Variants in EXOC4 observed in about 807,000 individuals in gnomAD.
EXOC4 encodes SEC8-like 1.
EXOC4 carries 71 observed loss-of-function variants against 107.2 expected under a neutral mutation model. That is an observed-to-expected ratio of 0.66 (90% CI 0.55 to 0.81). EXOC4 has a LOEUF of 0.81. Among genes scored for constraint, EXOC4 ranks in the 30% least tolerant of loss-of-function variants. EXOC4 has a pLI of 0.00. For missense variants in EXOC4, 1,108 were observed against 1,189.6 expected (o/e 0.93, Z 1.01); for synonymous variants, 456 against 441.2 (o/e 1.03, Z -0.42).
chr7:134,025,598 C>G (rs1563095853), intron 17 of EXOC4, among the ~76,000 whole-genome samples: 2 of 152,180 alleles, frequency 1.3e-5, no homozygotes. Flanking sequence ...CCTCATCTGT[C>G]TGGTGATTTG....
At chr7:133,288,345 A>G (rs1794328439) in intron 2 of EXOC4, among the ~76,000 whole-genome samples, 1 of 152,158 alleles carries the variant, frequency 6.6e-6, no homozygotes, top group Non-Finnish European at 1.5e-5. Context: ...TTTAATATCT[A>G]ATATTCAGAA....
At chr7:133,877,084 TA>T (rs1218504167) in intron 11 of EXOC4, among the ~76,000 whole-genome samples, 1 of 152,000 alleles carries the variant, frequency 6.6e-6, no homozygotes, top group Non-Finnish European at 1.5e-5. Context: ...CTGACTCTCC[TA>T]TTTTTTTTTT....
At chr7:134,052,650 A>G (rs772006662) in intron 17 of EXOC4, among the ~76,000 whole-genome samples, 53 of 152,352 alleles carry the variant, frequency 3.5e-4, no homozygotes, top group African/African-American at 1.1e-3. Context: ...CAGGTGTTCT[A>G]TCATATCATT....
At chr7:133,260,870 G>A (rs1437142692) in intron 1 of EXOC4, among the ~76,000 whole-genome samples, 1 of 152,122 alleles carries the variant, frequency 6.6e-6, no homozygotes, top group East Asian at 1.9e-4. Flanking sequence ...GCCACTTCAA[G>A]TTGTGCTACA....
At chr7:133,264,554 G>A (rs1416493537) in intron 1 of EXOC4, among the ~76,000 whole-genome samples, 2 of 152,104 alleles carry the variant, frequency 1.3e-5, no homozygotes, top group Non-Finnish European at 1.5e-5. Flanking sequence ...ATAATAAAAT[G>A]CGATTTAAAA....
At chr7:133,312,727 T>C (rs934312859) in intron 4 of EXOC4, among the ~76,000 whole-genome samples, 1 of 151,602 alleles carries the variant, frequency 6.6e-6, no homozygotes, top group Non-Finnish European at 1.5e-5. Flanking sequence ...CAAGCAGTCC[T>C]TGTACCTCAG....
intron 9 of EXOC4, among the ~76,000 whole-genome samples, chr7:133,566,884 A>T (rs962408910): frequency 1.3e-5 from 2 of 152,228 alleles, no homozygotes; most frequent in African/African-American, 2.4e-5. Flanking sequence ...TGGATATAAC[A>T]ATAGACTAAA....
At chr7:133,898,606 G>A (rs1465336879) in intron 12 of EXOC4, among the ~76,000 whole-genome samples, 2 of 151,774 alleles carry the variant, frequency 1.3e-5, no homozygotes, top group Non-Finnish European at 2.9e-5. Context: ...AATTAGCCGG[G>A]CGTGGTGGCA....
At chr7:133,918,143 C>T (rs867588278) in intron 13 of EXOC4, among the ~76,000 whole-genome samples, 1 of 91,518 alleles carries the variant, frequency 1.1e-5, no homozygotes, top group South Asian at 4.3e-4. Context: ...CCACCACGCC[C>T]GGCTAATTTT....
At chr7:133,806,465 A>G (rs1376672504) in intron 10 of EXOC4, among the ~76,000 whole-genome samples, 1 of 152,194 alleles carries the variant, frequency 6.6e-6, no homozygotes. Flanking sequence ...GGCTGGAGAT[A>G]ATATTTGTTG....
intron 9 of EXOC4, among the ~76,000 whole-genome samples, chr7:133,549,683 C>A (rs1369475112): frequency 1.3e-5 from 2 of 152,066 alleles, no homozygotes; most frequent in African/African-American, 4.8e-5. Flanking sequence ...ACAGGGTTGC[C>A]ACAAACCTTC....
chr7:133,630,431 A>G (rs1021898297), intron 10 of EXOC4, among the ~76,000 whole-genome samples: 1 of 151,000 alleles, frequency 6.6e-6, no homozygotes, highest in East Asian at 1.9e-4. Flanking sequence ...TCTCTGTTTT[A>G]TCTATCTCAG....
intron 14 of EXOC4, among the ~76,000 whole-genome samples, chr7:133,972,354 T>C (rs1251630379): frequency 6.6e-6 from 1 of 152,208 alleles, no homozygotes; most frequent in Non-Finnish European, 1.5e-5. Flanking sequence ...TACTTTCTCA[T>C]GTGACAGAAA....
chr7:133,465,492 A>G (rs1798705837), intron 7 of EXOC4, among the ~76,000 whole-genome samples: 1 of 152,198 alleles, frequency 6.6e-6, no homozygotes, highest in Non-Finnish European at 1.5e-5. Flanking sequence ...AATTAATAGA[A>G]CAACTAGAAG....
At chr7:133,370,225 G>A (rs1043739987) in intron 6 of EXOC4, among the ~76,000 whole-genome samples, 10 of 146,618 alleles carry the variant, frequency 6.8e-5, no homozygotes, top group East Asian at 2.0e-4. Flanking sequence ...GGTTAAGGAC[G>A]CAGCCATGAC....
chr7:133,978,249 G>T (rs1017906519), intron 14 of EXOC4, among the ~76,000 whole-genome samples: 1 of 152,194 alleles, frequency 6.6e-6, no homozygotes, highest in Non-Finnish European at 1.5e-5. Flanking sequence ...TTTTTGGTCT[G>T]GGCTGCTGCA....
chr7:133,473,408 T>TAA (rs1166506587), intron 7 of EXOC4, among the ~76,000 whole-genome samples: 1 of 152,220 alleles, frequency 6.6e-6, no homozygotes, highest in Non-Finnish European at 1.5e-5. Context: ...GAAAATTAAA[T>TAA]AAAGTACATT....
chr7:133,669,102 AAAAAGGCATTTACC>A (rs1793883384), intron 10 of EXOC4, among the ~76,000 whole-genome samples: 1 of 140,394 alleles, frequency 7.1e-6, no homozygotes, highest in South Asian at 2.2e-4. Context: ...CTTTTTTGGC[AAAAAGGCATTTACC>A]TTTCTCTTCC....
At chr7:133,362,379 A>G (rs1027461466) in intron 6 of EXOC4, among the ~76,000 whole-genome samples, 2 of 152,156 alleles carry the variant, frequency 1.3e-5, no homozygotes, top group African/African-American at 4.8e-5. Context: ...TGTGTCTGTC[A>G]TGTAATTGTC....
Sources: allele counts gnomAD v4.1 joint callset (sites outside exome capture counted in the v4.1 genomes callset), GRCh38; gene constraint gnomAD v4.1.1; transcripts MANE v1.5; gene names NCBI Gene and HGNC (gene_info 2026-07-23, HGNC 2026-07-21).